The following CCNJL variants were observed in gnomAD, a reference collection of about 807,000 sequenced individuals.
CCNJL encodes cyclin-J-like protein.
In CCNJL, 33 loss-of-function variants were observed where a neutral mutation model predicts 33.4. That is an observed-to-expected ratio of 0.99 (90% CI 0.75 to 1.32). The LOEUF (loss-of-function observed/expected upper bound fraction) is 1.32. Among genes scored for constraint, CCNJL ranks in the 40% most tolerant of loss-of-function variants. The pLI is 0.00. For synonymous variants in CCNJL, 227 were observed against 220.9 expected (o/e 1.03, Z -0.24); for missense variants, 512 against 499.7 (o/e 1.02, Z -0.23).
At chr5:160,267,564 C>T (rs1761652981) in intron 3 of CCNJL, among the ~76,000 whole-genome samples, 1 of 152,048 alleles carries the variant, frequency 6.6e-6, no homozygotes, top group South Asian at 2.1e-4. Flanking sequence ...AAGCAGGAAA[C>T]CTTATATACA....
intron 1 of CCNJL, among the ~76,000 whole-genome samples, chr5:160,336,482 A>G (rs1358278689): frequency 6.6e-6 from 1 of 152,222 alleles, no homozygotes; most frequent in African/African-American, 2.4e-5. Context: ...CAAGGAACAG[A>G]ATCCAACCAA....
In CCNJL at chr5:160,250,792, T is replaced by C. The variant is rs1396468488; in HGVS notation, c.*2586A>G. 6.6e-6 allele frequency: 1 copy of C among 152,252 alleles called. No homozygotes were observed. Among genetic ancestry groups the C allele is most frequent in the Non-Finnish European group, 1.5e-5 (1 of 68,038 alleles). The allele number at this position is 152,252 out of a possible 1,614,324, so 9.4% of individuals were successfully genotyped here. On this transcript the variant is annotated 3_prime_UTR_variant, in exon 6 of 6. Transcript: ENST00000257536. ...GTCTTATTAGTGCATAAAATAATAG[T>C]GCATCTTACAAAAAGCTGATCTTAT...
At chr5:160,285,819 G>C (rs1406282220) in intron 2 of CCNJL, among the ~76,000 whole-genome samples, 4 of 152,244 alleles carry the variant, frequency 2.6e-5, no homozygotes, top group Non-Finnish European at 5.9e-5. Context: ...GAAGGGATTA[G>C]AGCAGATCAT....
chr5:160,269,702 G>A (rs1369133563), intron 3 of CCNJL, among the ~76,000 whole-genome samples: 2 of 152,194 alleles, frequency 1.3e-5, no homozygotes, highest in Admixed American at 6.5e-5. Flanking sequence ...AGAAGGAAGT[G>A]TGCCCAGGAG....
At position 160,308,472 on chromosome 5, in the gene CCNJL, T is replaced by C. The variant is rs149349380; in HGVS notation, c.66+3386A>G. ...AGGCAGCAAACAAACGAAAAATAAC[T>C]TCAGGCCAGGCACGGTGGCTCACGC... On this transcript the variant is annotated intron_variant, in intron 2 of 5. Coordinates refer to ENST00000257536, the MANE Select transcript of CCNJL (RefSeq NM_001308173.3). Among the ~76,000 whole-genome samples the C allele has an allele frequency of 3.7e-4, 56 of 152,268 alleles. 1 individual carries two copies. In the East Asian group the frequency reaches 7.3e-3, roughly 20 times the overall value.
intron 2 of CCNJL, among the ~76,000 whole-genome samples, chr5:160,282,487 T>G (rs1045828389): frequency 6.6e-6 from 1 of 152,152 alleles, no homozygotes; most frequent in Non-Finnish European, 1.5e-5. Context: ...ACATTTATGC[T>G]TCCAAAGATA....
chr5:160,326,704 TG>T, intron 1 of CCNJL: 1 of 917,186 alleles, frequency 1.1e-6, no homozygotes, highest in Non-Finnish European at 1.8e-6. Context: ...TGGCATACCA[TG>T]GCCAGGGCCA....
intron 3 of CCNJL, among the ~76,000 whole-genome samples, chr5:160,271,609 C>G (rs1345789519): frequency 3.9e-5 from 6 of 152,212 alleles, no homozygotes; most frequent in Admixed American, 3.9e-4. Context: ...CATTCGAGCC[C>G]CGTGCCCAGA....
intron 1 of CCNJL, among the ~76,000 whole-genome samples, chr5:160,321,255 A>C (rs1763459727): frequency 6.6e-6 from 1 of 151,928 alleles, no homozygotes; most frequent in South Asian, 2.1e-4. Context: ...CAGGAGGAGG[A>C]AATAAAAGGC....
At chr5:160,297,430 C>T (rs1421579114) in intron 2 of CCNJL, among the ~76,000 whole-genome samples, 1 of 152,152 alleles carries the variant, frequency 6.6e-6, no homozygotes, top group African/African-American at 2.4e-5. Flanking sequence ...TCCCCTCTTC[C>T]TGAAACATGG....
chr5:160,292,095 T>C (rs1362687508), intron 2 of CCNJL, among the ~76,000 whole-genome samples: 1 of 152,002 alleles, frequency 6.6e-6, no homozygotes, highest in Non-Finnish European at 1.5e-5. Flanking sequence ...AACACTAAAC[T>C]GCTTCCTCCG....
At chr5:160,331,378 C>T (rs1763606172) in intron 1 of CCNJL, among the ~76,000 whole-genome samples, 1 of 152,038 alleles carries the variant, frequency 6.6e-6, no homozygotes, top group African/African-American at 2.4e-5. Context: ...TGCCCACCAC[C>T]ACGCCCGGCT....
chr5:160,316,676 G>A (rs1215030237), upstream of CCNJL, among the ~76,000 whole-genome samples: 1 of 152,136 alleles, frequency 6.6e-6, no homozygotes, highest in Non-Finnish European at 1.5e-5. Flanking sequence ...AGACATTCAT[G>A]CCTTTTTCTC....
At chr5:160,334,485 T>C (rs1052542025) in intron 1 of CCNJL, among the ~76,000 whole-genome samples, 11 of 152,196 alleles carry the variant, frequency 7.2e-5, no homozygotes, top group African/African-American at 1.7e-4. Flanking sequence ...TATAGGTGCC[T>C]GACATACAGT....
intron 2 of CCNJL, among the ~76,000 whole-genome samples, chr5:160,283,022 T>TATATATAC (rs1561791357): frequency 9.8e-6 from 1 of 102,244 alleles, no homozygotes; most frequent in Non-Finnish European, 1.9e-5. Flanking sequence ...TATATATATA[T>TATATATAC]ATATACCTAA....
chr5:160,264,876 G>A (rs369744133), intron 3 of CCNJL, among the ~76,000 whole-genome samples: 168 of 152,248 alleles, frequency 1.1e-3, no homozygotes, highest in African/African-American at 3.8e-3. Flanking sequence ...CTGAATTAGC[G>A]CCAAGAGAAG....
At chr5:160,327,008 A>G in intron 1 of CCNJL, 1 of 491,496 alleles carries the variant, frequency 2.0e-6, no homozygotes, top group Non-Finnish European at 3.9e-6. Flanking sequence ...GTTGAGATGG[A>G]TACAGTTTGT....
At chr5:160,317,644 G>A (rs1763394618), upstream of CCNJL, among the ~76,000 whole-genome samples, 2 of 152,326 alleles carry the variant, frequency 1.3e-5, no homozygotes, top group Middle Eastern at 3.4e-3. Flanking sequence ...CATGGGGTGG[G>A]GGGAGTACCT....
intron 2 of CCNJL, among the ~76,000 whole-genome samples, chr5:160,298,290 G>A (rs1258889026): frequency 6.6e-6 from 1 of 152,116 alleles, no homozygotes; most frequent in Admixed American, 6.5e-5. Context: ...AATCCAGGAG[G>A]TGGAGGTTGC....
Sources: gnomAD v4.1 joint callset for allele counts (sites outside exome capture counted in the v4.1 genomes callset) on GRCh38, gnomAD v4.1.1 for gene constraint, MANE v1.5 for transcripts, NCBI Gene and HGNC (gene_info 2026-07-23, HGNC 2026-07-21) for gene names.